PRDM16: variants seen among roughly 807,000 people sequenced by gnomAD.
PRDM16 encodes the protein histone-lysine N-methyltransferase PRDM16.
PRDM16 carries 23 observed loss-of-function variants against 110.6 expected under a neutral mutation model. The observed-to-expected ratio is 0.21, with a 90% CI of 0.15 to 0.29. The LOEUF (loss-of-function observed/expected upper bound fraction) is 0.29. PRDM16 is among the 10% of genes least tolerant of loss of function. The probability of loss-of-function intolerance (pLI) is 1.00; values close to 1 mark genes in which losing one functional copy is unlikely to be tolerated. For missense variants in PRDM16, 1,615 were observed against 1,794.3 expected (o/e 0.90, Z 1.81); for synonymous variants, 799 against 781.8 (o/e 1.02, Z -0.37).
chr1:3,156,078 C>A (rs1440140257), intron 1 of PRDM16, among the ~76,000 whole-genome samples: 1 of 152,118 alleles, frequency 6.6e-6, no homozygotes, highest in Non-Finnish European at 1.5e-5. Context: ...AAATTCATCA[C>A]CGATATTCTT....
intron 3 of PRDM16, among the ~76,000 whole-genome samples, chr1:3,364,002 C>T (rs1642764539): frequency 6.6e-6 from 1 of 152,108 alleles, no homozygotes; most frequent in Non-Finnish European, 1.5e-5. Context: ...CACACCTTAG[C>T]CCTTCATGAG....
Position 3,435,090 on chromosome 1 carries a change from C to G in PRDM16, c.*1279C>G. On this transcript the variant is annotated 3_prime_UTR_variant, in exon 17 of 17. Transcript: ENST00000270722. ...GCCGCAAGGAGCAGAGACAGCACAG[C>G]CCCCCGGGCCCAGCCGCCTCCCTCT... The G allele has an allele frequency of 4.4e-6, 1 of 226,298 alleles. No individual in the cohort carries two copies. The highest frequency in any genetic ancestry group is 8.8e-6 in the Non-Finnish European group (1 of 113,896). 14.0% of individuals were successfully genotyped at this position (226,298 alleles called of 1,614,324 possible). A position where few individuals can be genotyped will look rare whatever the true frequency, so the allele number is the denominator to read the frequency against.
At chr1:3,171,908 G>A (rs1051376657) in intron 1 of PRDM16, among the ~76,000 whole-genome samples, 2 of 152,108 alleles carry the variant, frequency 1.3e-5, no homozygotes, top group South Asian at 2.1e-4. Flanking sequence ...CTGGAGCAGC[G>A]AGCCGAGCTC....
At chr1:3,116,202 G>T (rs1008536273) in intron 1 of PRDM16, among the ~76,000 whole-genome samples, 1 of 152,178 alleles carries the variant, frequency 6.6e-6, no homozygotes, top group Non-Finnish European at 1.5e-5. Context: ...AGAACAGGTG[G>T]CAGGGAGGGA....
At chr1:3,269,089 G>C (rs901014186) in intron 3 of PRDM16, among the ~76,000 whole-genome samples, 2 of 152,188 alleles carry the variant, frequency 1.3e-5, no homozygotes, top group Admixed American at 6.5e-5. Context: ...CAGAAGACAG[G>C]TGGGTGGGCT....
chr1:3,133,113 A>T (rs999447007), intron 1 of PRDM16: 12 of 152,266 alleles, frequency 7.9e-5, no homozygotes, highest in African/African-American at 2.4e-4. Flanking sequence ...CCAGCCCCGC[A>T]CCCTCCAGGA....
At chr1:3,224,365 G>T (rs1639237220) in intron 2 of PRDM16, among the ~76,000 whole-genome samples, 2 of 152,302 alleles carry the variant, frequency 1.3e-5, no homozygotes, top group South Asian at 4.1e-4. Context: ...AGGCGACAGT[G>T]TTGCCAATAC....
intron 1 of PRDM16, among the ~76,000 whole-genome samples, chr1:3,100,372 C>T (rs1189245944): frequency 6.6e-6 from 1 of 152,210 alleles, no homozygotes. Flanking sequence ...GTCCTCTCTT[C>T]CAGTGGGTGG....
At position 3,402,821 on chromosome 1, in the gene PRDM16, A is replaced by T; in HGVS notation, c.707A>T (p.Asp236Val). 6.2e-7 allele frequency: 1 copy of T among 1,612,720 alleles called. No homozygotes were observed. Among genetic ancestry groups the T allele is most frequent in the Non-Finnish European group, 8.5e-7 (1 of 1,179,656 alleles). ...EEPTFRCDEC[D>V]ELFQSKLDLR... ...CCCACGTTCCGCTGTGACGAGTGTG[A>T]CGAACTCTTCCAGTCCAAGCTGGAC... The change falls in exon 6 of 17, where the codon GAC (aspartate) becomes GTC (valine). Residue 236 changes from aspartate (D) to valine (V), a missense_variant. By Grantham distance (152) the Asp-to-Val change is radical. Around this residue, in one of 5 missense-constraint regions of PRDM16, gnomAD observed 416 missense variants for 467.1 expected, o/e 0.89. Coordinates refer to ENST00000270722, the MANE Select transcript of PRDM16 (RefSeq NM_022114.4).
At chr1:3,239,377 T>A (rs1006545209) in intron 2 of PRDM16, among the ~76,000 whole-genome samples, 1 of 151,338 alleles carries the variant, frequency 6.6e-6, no homozygotes, top group African/African-American at 2.4e-5. Flanking sequence ...GCTCAGACTG[T>A]GTCCAGCAGA....
chr1:3,430,761 G>A (rs1189410372), intron 14 of PRDM16, 111 bp from the exon 15 acceptor site: 3 of 1,293,020 alleles, frequency 2.3e-6, no homozygotes, highest in East Asian at 4.7e-5. Flanking sequence ...GAAGGGGGCT[G>A]AGTGTTGTCG....
intron 1 of PRDM16, among the ~76,000 whole-genome samples, chr1:3,166,718 G>A (rs1387619798): frequency 2.0e-5 from 3 of 152,152 alleles, no homozygotes; most frequent in African/African-American, 4.8e-5. Context: ...GAACCACAGC[G>A]CGGCCTGGGG....
rs2500250 is a variant in PRDM16 at position 3,265,135 on chromosome 1, T to C, written c.438+20998T>C. Among the ~76,000 whole-genome samples, 45,456 of 151,916 alleles carry C rather than the reference T, an allele frequency of 0.3. 8,714 individuals carry two copies. Among genetic ancestry groups the C allele is most frequent in the African/African-American group, 0.53 (21,891 of 41,398 alleles). ...GCCCTGGAATCCCTGGTGCCACCTA[T>C]TGAGGCCGAGGCGAGCGGGCTGTTA... is the stretch of plus-strand genomic sequence containing the variant. On this transcript the variant is annotated intron_variant, in intron 3 of 16. Coordinates refer to ENST00000270722, the MANE Select transcript of PRDM16 (RefSeq NM_022114.4). The surrounding 1 kb of genome is among the most constrained non-coding windows in gnomAD (Gnocchi z 4.5).
chr1:3,283,507 C>T (rs764664199), intron 3 of PRDM16, among the ~76,000 whole-genome samples: 14 of 152,320 alleles, frequency 9.2e-5, no homozygotes, highest in Admixed American at 6.5e-4. Context: ...CCACACTGCG[C>T]GGTGCCCCTA....
At chr1:3,389,777 G>T (rs185154255) in intron 4 of PRDM16, among the ~76,000 whole-genome samples, 1 of 152,214 alleles carries the variant, frequency 6.6e-6, no homozygotes, top group Admixed American at 6.5e-5. Context: ...GCACACAGCT[G>T]CGGGGACCGA....
rs563035591 is a variant in PRDM16 at position 3,210,523 on chromosome 1, G to A, written c.387+24049G>A. 5.3e-5 allele frequency among the ~76,000 whole-genome samples: 8 copies of A among 152,350 alleles called. No homozygotes were observed. In the South Asian group the frequency reaches 8.3e-4, roughly 16 times the overall value. ...GTCTGTGCACGCGTGTGACTTTCACGTCTGATTCCACTTACTCAAGCCACA... is the reference window on the plus strand; with the variant it reads ...GTCTGTGCACGCGTGTGACTTTCACATCTGATTCCACTTACTCAAGCCACA... On this transcript the variant is annotated intron_variant, in intron 2 of 16. Transcript: ENST00000270722.
intron 2 of PRDM16, among the ~76,000 whole-genome samples, chr1:3,186,759 C>T (rs950333872): frequency 2.6e-5 from 4 of 152,202 alleles, no homozygotes; most frequent in Non-Finnish European, 4.4e-5. Context: ...TGCTTCCCGC[C>T]GGATCCCAGG....
chr1:3,173,436 G>T (rs758319673), intron 1 of PRDM16, among the ~76,000 whole-genome samples: 1 of 152,238 alleles, frequency 6.6e-6, no homozygotes, highest in African/African-American at 2.4e-5. Flanking sequence ...ATAAATAATC[G>T]TCTTAGAATA....
chr1:3,404,950 C>A, intron 7 of PRDM16, 64 bp downstream of exon 7: 1 of 1,544,306 alleles, frequency 6.5e-7, no homozygotes, highest in Non-Finnish European at 8.7e-7. Flanking sequence ...GGGCGCCCGC[C>A]CCCGTGCTCC....
Sources: gnomAD v4.1 joint callset for allele counts (sites outside exome capture counted in the v4.1 genomes callset) on GRCh38, gnomAD v4.1.1 for gene constraint, gnomAD v4.1.1 regional missense constraint, Gnocchi (gnomAD v3.1) non-coding constraint, MANE v1.5 for transcripts, NCBI Gene and HGNC (gene_info 2026-07-23, HGNC 2026-07-21) for gene names.